TMEM47: variants seen among roughly 807,000 people sequenced by gnomAD.
TMEM47 encodes brain cell membrane protein 1.
Under a neutral mutation model 12.4 loss-of-function variants are expected in TMEM47, and 3 were observed. The observed-to-expected ratio is 0.24, with a 90% CI of 0.11 to 0.63. The LOEUF (loss-of-function observed/expected upper bound fraction) is 0.63. Ranked by LOEUF, TMEM47 falls within the 20% of genes least tolerant of loss-of-function variation. TMEM47 has a pLI of 0.86. For synonymous variants in TMEM47, 62 were observed against 63.3 expected (o/e 0.98, Z 0.10); for missense variants, 89 against 143.8 (o/e 0.62, Z 1.95).
At chrX:34,639,708 C>T (rs1212738587) in intron 1 of TMEM47, among the ~76,000 whole-genome samples, 2 of 111,309 alleles carry the variant, frequency 1.8e-5, no homozygotes, top group Non-Finnish European at 3.8e-5. Flanking sequence ...AAATTTTTAT[C>T]GAGCAATAAA....
chrX:34,656,623 G>A (rs910597855), intron 1 of TMEM47, among the ~76,000 whole-genome samples, 181 bp downstream of exon 1: 19 of 111,202 alleles, frequency 1.7e-4, no homozygotes, highest in African/African-American at 5.9e-4. Context: ...GGATGGGGAG[G>A]GAAGAGGGGT....
intron 1 of TMEM47, among the ~76,000 whole-genome samples, chrX:34,652,683 G>C (rs1480479754): frequency 8.9e-6 from 1 of 112,057 alleles, no homozygotes; most frequent in Non-Finnish European, 1.9e-5. Flanking sequence ...GACATTAAGA[G>C]AAAGTCATCA....
chrX:34,647,082 T>C (rs758587950), intron 1 of TMEM47, among the ~76,000 whole-genome samples: 1 of 111,276 alleles, frequency 9.0e-6, no homozygotes, highest in South Asian at 3.8e-4. Flanking sequence ...TCAATGAAGT[T>C]AACTCATTGA....
In TMEM47 at chrX:34,657,222, G is replaced by C. The variant is rs1922130876; in HGVS notation, c.-193C>G. On this transcript the variant is annotated 5_prime_UTR_variant, in exon 1 of 3. Coordinates refer to ENST00000275954, the MANE Select transcript of TMEM47 (RefSeq NM_031442.4). The stretch of plus-strand genomic sequence containing the variant: ...GGAGGCGGCCGGCCGGGTGTGGGTC[G>C]TCGGCAGCCGCAGCGACGTCGATTC... 14 of 592,241 alleles carry C rather than the reference G, an allele frequency of 2.4e-5. No homozygotes were observed. The highest frequency in any genetic ancestry group is 1.3e-3 in the Middle Eastern group (2 of 1,490). The allele number at this position is 592,241 out of a possible 1,213,427, so 48.8% of individuals were successfully genotyped here.
In TMEM47 at chrX:34,634,519, G is replaced by A. The variant is rs148996481; in HGVS notation, c.368-4028C>T. Among the ~76,000 whole-genome samples, 7 of 112,433 alleles carry A rather than the reference G, an allele frequency of 6.2e-5. No individual in the cohort carries two copies. In the East Asian group the frequency reaches 2.0e-3, roughly 32 times the overall value. ...GAAGGGGATAAGATAGATAAGACATGGCCCTCGCCCTTTGATGATTCATAC... is the reference window on the plus strand; with the variant it reads ...GAAGGGGATAAGATAGATAAGACATAGCCCTCGCCCTTTGATGATTCATAC... On this transcript the variant is annotated intron_variant, in intron 2 of 2. Coordinates refer to ENST00000275954, the MANE Select transcript of TMEM47 (RefSeq NM_031442.4).
At chrX:34,640,493 A>G (rs1201169210) in intron 1 of TMEM47, among the ~76,000 whole-genome samples, 1 of 112,236 alleles carries the variant, frequency 8.9e-6, no homozygotes, top group African/African-American at 3.2e-5. Flanking sequence ...AGTACTATAC[A>G]GGTTGGGAAA....
At position 34,649,310 on chromosome X, in the gene TMEM47, G is replaced by A. The variant is rs187695324; in HGVS notation, c.226+7494C>T. Reference sequence around the variant, plus strand: ...CTTGGAATCAATTTAAATGTCCATCGATGACAGATGGGATGAAGAAAGTGT... The same window carrying A: ...CTTGGAATCAATTTAAATGTCCATCAATGACAGATGGGATGAAGAAAGTGT... On this transcript the variant is annotated intron_variant, in intron 1 of 2. Transcript: ENST00000275954. 2.6e-3 allele frequency among the ~76,000 whole-genome samples: 295 copies of A among 111,810 alleles called. 1 individual carries two copies. The highest frequency in any genetic ancestry group is 9.2e-3 in the African/African-American group (282 of 30,787).
At position 34,656,907 on chromosome X, in the gene TMEM47, C is replaced by T. The variant is rs182477789; in HGVS notation, c.123G>A (p.Pro41=). Residue 41 remains proline (P), a synonymous_variant, in exon 1 of 3, where the codon CCG becomes CCA. Coordinates refer to ENST00000275954, the MANE Select transcript of TMEM47 (RefSeq NM_031442.4). ...ACTGGTGGTCAGCTGTGACCCAGGC[C>T]GGGCTCAGCACCGCCCCCAGGTCCA... ...LCLDLGAVLS[P]AWVTADHQYY... 12 of 1,179,254 alleles carry T rather than the reference C, an allele frequency of 1.0e-5. No individual in the cohort carries two copies. Among genetic ancestry groups the T allele is most frequent in the Admixed American group, 2.4e-5 (1 of 41,177 alleles).
chrX:34,638,836 T>A (rs1395018196), intron 2 of TMEM47, among the ~76,000 whole-genome samples: 2 of 112,136 alleles, frequency 1.8e-5, no homozygotes, highest in Admixed American at 1.9e-4. Flanking sequence ...CAAAGAGATA[T>A]ACATCTTTAA....
chrX:34,647,085 C>G (rs1049762425), intron 1 of TMEM47, among the ~76,000 whole-genome samples: 7 of 111,088 alleles, frequency 6.3e-5, no homozygotes, highest in African/African-American at 2.3e-4. Context: ...ATGAAGTTAA[C>G]TCATTGAGTA....
intron 1 of TMEM47, among the ~76,000 whole-genome samples, chrX:34,641,022 T>C (rs2147139347): frequency 9.0e-6 from 1 of 110,584 alleles, no homozygotes; most frequent in African/African-American, 3.3e-5. Flanking sequence ...GATCTGGCTT[T>C]TAACTAGAAG....
chrX:34,640,015 T>C lies in TMEM47; in HGVS notation c.227-628A>G, dbSNP rs185812297. On this transcript the variant is annotated intron_variant, in intron 1 of 2. Transcript: ENST00000275954. ...TAGTATATTCTTTTTTTTATTGCTA[T>C]TTCTTGGAAAGCCTTCCTTAACCAT... Among the ~76,000 whole-genome samples the C allele has an allele frequency of 1.1e-3, 119 of 112,064 alleles. 1 individual carries two copies. The Admixed American group carries it at 0.011, about 11-fold the overall frequency.
chrX:34,648,096 C>A (rs1475672999), intron 1 of TMEM47, among the ~76,000 whole-genome samples: 1 of 111,923 alleles, frequency 8.9e-6, no homozygotes, highest in Non-Finnish European at 1.9e-5. Context: ...TAGGAAGAAT[C>A]AATAGCATTA....
At chrX:34,641,558 GA>G (rs1017207169) in intron 1 of TMEM47, among the ~76,000 whole-genome samples, 1 of 110,609 alleles carries the variant, frequency 9.0e-6, no homozygotes, top group Non-Finnish European at 1.9e-5. Flanking sequence ...AGCTCAGTGT[GA>G]AAAAAAATGC....
intron 2 of TMEM47, among the ~76,000 whole-genome samples, chrX:34,635,460 G>A (rs1342386442): frequency 1.8e-5 from 2 of 111,322 alleles, no homozygotes; most frequent in Non-Finnish European, 3.8e-5. Context: ...AGGGACAAGT[G>A]ACAAGACCAG....
Position 34,629,220 on chromosome X carries a change from T to A in TMEM47, c.*1093A>T, listed in dbSNP as rs978125266. ...TTTCAACTACAGTGCTTACAGAGAA[T>A]CATTAATTTTCAGATTAACACCATT... On this transcript the variant is annotated 3_prime_UTR_variant, in exon 3 of 3. Coordinates refer to ENST00000275954, the MANE Select transcript of TMEM47 (RefSeq NM_031442.4). 1 of 112,074 alleles carries A rather than the reference T, an allele frequency of 8.9e-6. No individual in the cohort carries two copies. The highest frequency in any genetic ancestry group is 2.8e-4 in the East Asian group (1 of 3,551). 9.2% of individuals were successfully genotyped at this position (112,074 alleles called of 1,213,427 possible). A position where few individuals can be genotyped will look rare whatever the true frequency, so the allele number is the denominator to read the frequency against.
At chrX:34,656,313 G>A (rs1247627531) in intron 1 of TMEM47, among the ~76,000 whole-genome samples, 1 of 110,852 alleles carries the variant, frequency 9.0e-6, no homozygotes, top group Non-Finnish European at 1.9e-5. Context: ...ACGCAGATAA[G>A]GTGGAGTGGA....
intron 2 of TMEM47, among the ~76,000 whole-genome samples, chrX:34,631,960 A>C (rs1172411525): frequency 8.9e-6 from 1 of 111,761 alleles, no homozygotes; most frequent in Non-Finnish European, 1.9e-5. Flanking sequence ...TACAGAGTAC[A>C]GTTATATTTA....
chrX:34,640,652 T>C (rs1921799105), intron 1 of TMEM47, among the ~76,000 whole-genome samples: 2 of 112,104 alleles, frequency 1.8e-5, no homozygotes, highest in Admixed American at 1.9e-4. Flanking sequence ...AGTCCAGAAG[T>C]CATGATATTT....
Sources: gnomAD v4.1 joint callset for allele counts (sites outside exome capture counted in the v4.1 genomes callset) on GRCh38, gnomAD v4.1.1 for gene constraint, MANE v1.5 for transcripts, NCBI Gene and HGNC (gene_info 2026-07-23, HGNC 2026-07-21) for gene names.